Variants in CHSY3 observed in about 807,000 individuals in gnomAD.
The protein encoded by CHSY3 is N-acetylgalactosaminyl-proteoglycan 3-beta-glucuronosyltransferase 3.
In CHSY3, 35 loss-of-function variants were observed where a neutral mutation model predicts 67.2. That is an observed-to-expected ratio of 0.52 (90% confidence interval 0.40 to 0.69). The LOEUF is 0.69. Ranked by LOEUF, CHSY3 falls within the 30% of genes least tolerant of loss-of-function variation. The pLI is 0.00. For synonymous variants in CHSY3, 474 were observed against 434.7 expected (o/e 1.09, Z -1.12); for missense variants, 1,069 against 1,138.5 (o/e 0.94, Z 0.88).
intron 2 of CHSY3, among the ~76,000 whole-genome samples, chr5:130,118,825 G>T (rs1212205398): frequency 6.6e-6 from 1 of 151,956 alleles, no homozygotes; most frequent in Non-Finnish European, 1.5e-5. Context: ...TTGTATCCCA[G>T]GTGTGTCATT....
At chr5:130,078,066 A>T (rs942872678) in intron 2 of CHSY3, among the ~76,000 whole-genome samples, 1 of 152,064 alleles carries the variant, frequency 6.6e-6, no homozygotes, top group Non-Finnish European at 1.5e-5. Flanking sequence ...CATTTTATGG[A>T]TAAGAAAACT....
chr5:129,950,126 CCACTG>C (rs1232333646), intron 2 of CHSY3, among the ~76,000 whole-genome samples: 1 of 149,674 alleles, frequency 6.7e-6, no homozygotes, highest in Non-Finnish European at 1.5e-5. Context: ...TGAGATTGCG[CCACTG>C]CACTCCAGCC....
chr5:129,971,568 A>G (rs1302387032), intron 2 of CHSY3, among the ~76,000 whole-genome samples: 15 of 151,956 alleles, frequency 9.9e-5, no homozygotes, highest in Admixed American at 9.8e-4. Context: ...AGTTAGTATC[A>G]TGACCTCTAT....
At chr5:130,099,167 C>T (rs192016081) in intron 2 of CHSY3, among the ~76,000 whole-genome samples, 10 of 152,318 alleles carry the variant, frequency 6.6e-5, no homozygotes, top group African/African-American at 2.2e-4. Context: ...CTCCCACAAA[C>T]CAATTTGAAG....
chr5:129,952,542 C>A (rs1318163479), intron 2 of CHSY3, among the ~76,000 whole-genome samples: 1 of 152,168 alleles, frequency 6.6e-6, no homozygotes, highest in East Asian at 1.9e-4. Context: ...TTTCTTTGAA[C>A]ACATTTGAGG....
intron 2 of CHSY3, among the ~76,000 whole-genome samples, chr5:130,085,460 C>T (rs116288022): frequency 1.3e-5 from 2 of 152,020 alleles, no homozygotes; most frequent in African/African-American, 4.8e-5. Flanking sequence ...GAAACTTCCC[C>T]TTTATCATTT....
intron 2 of CHSY3, among the ~76,000 whole-genome samples, chr5:130,112,337 T>G (rs1033231465): frequency 6.6e-6 from 1 of 152,108 alleles, no homozygotes; most frequent in African/African-American, 2.4e-5. Flanking sequence ...TGGTTTCTAG[T>G]GGGTTTTAAC....
chr5:129,906,507 G>A (rs1260905912), intron 1 of CHSY3, among the ~76,000 whole-genome samples: 1 of 152,206 alleles, frequency 6.6e-6, no homozygotes, highest in Non-Finnish European at 1.5e-5. Flanking sequence ...CAGAACCACA[G>A]GCAGCCACAG....
rs770617559 is a variant in CHSY3, at chr5:130,185,624, G to A, written c.2482G>A (p.Gly828Arg). 6.2e-7 allele frequency: 1 copy of A among 1,614,094 alleles called. No homozygotes were observed. The highest frequency in any genetic ancestry group is 8.5e-7 in the Non-Finnish European group (1 of 1,179,982). Residue 828 changes from glycine (G) to arginine (R), a missense_variant, in exon 3 of 3, where the codon GGA (glycine) becomes AGA (arginine). By Grantham distance (125) the Gly-to-Arg change is moderately radical. Around this residue, in one of 5 missense-constraint regions of CHSY3, gnomAD observed 139 missense variants for 152.8 expected, o/e 0.91. Coordinates refer to ENST00000305031, the MANE Select transcript of CHSY3 (RefSeq NM_175856.5). ...AAGGCCATTCAGAAGCCAAGAAGTA[G>A]GAGTGGTGCATATTTTCCATCCAGT... The part of the protein sequence containing the change: ...GLRPFRSQEV[G>R]VVHIFHPVHC...
chr5:130,127,672 G>A (rs1768338460), intron 2 of CHSY3, among the ~76,000 whole-genome samples: 1 of 152,126 alleles, frequency 6.6e-6, no homozygotes, highest in Non-Finnish European at 1.5e-5. Flanking sequence ...AAGGTAATAA[G>A]AACTCAAACT....
At chr5:129,914,230 C>A (rs930151441) in intron 2 of CHSY3, among the ~76,000 whole-genome samples, 5 of 152,130 alleles carry the variant, frequency 3.3e-5, no homozygotes, top group Non-Finnish European at 7.3e-5. Flanking sequence ...CCTGCCTCAA[C>A]CTCCCGAGTA....
chr5:129,958,324 A>G (rs779223909), intron 2 of CHSY3, among the ~76,000 whole-genome samples: 9 of 152,130 alleles, frequency 5.9e-5, no homozygotes, highest in Non-Finnish European at 1.3e-4. Context: ...CTACTGGTAT[A>G]TAACTAGACC....
chr5:129,970,439 TAGATAGATAGAC>T (rs1403290965), intron 2 of CHSY3, among the ~76,000 whole-genome samples: 10 of 147,692 alleles, frequency 6.8e-5, no homozygotes, highest in East Asian at 2.0e-4. Flanking sequence ...GATAGATAGA[TAGATAGATAGAC>T]AGACAGAAAG....
intron 2 of CHSY3, among the ~76,000 whole-genome samples, chr5:129,953,361 T>C (rs935788244): frequency 6.6e-6 from 1 of 152,350 alleles, no homozygotes; most frequent in South Asian, 2.1e-4. Context: ...AGCCACATTT[T>C]CTTTATCCAG....
intron 2 of CHSY3, among the ~76,000 whole-genome samples, chr5:130,012,143 G>A (rs1333308997): frequency 1.3e-5 from 2 of 152,144 alleles, no homozygotes; most frequent in East Asian, 1.9e-4. Context: ...AGTAATCAAA[G>A]CAATCATAAG....
intron 2 of CHSY3, among the ~76,000 whole-genome samples, chr5:130,156,121 C>A (rs753421762): frequency 4.6e-5 from 7 of 152,016 alleles, no homozygotes; most frequent in African/African-American, 7.2e-5. Flanking sequence ...ATTTTTTTCC[C>A]CTGAGCAATT....
intron 2 of CHSY3, among the ~76,000 whole-genome samples, chr5:130,026,426 A>G (rs935010495): frequency 1.3e-5 from 2 of 152,162 alleles, no homozygotes; most frequent in South Asian, 4.1e-4. Flanking sequence ...CTGCTTGTTG[A>G]AAACACTGGT....
intron 2 of CHSY3, among the ~76,000 whole-genome samples, chr5:130,020,461 ATTTTTTTT>A (rs1196155924): frequency 1.5e-4 from 12 of 79,882 alleles, no homozygotes; most frequent in African/African-American, 6.7e-4. Flanking sequence ...ATATATATAT[ATTTTTTTT>A]TTTTTTTTTT....
At chr5:130,146,208 C>T (rs954475816) in intron 2 of CHSY3, among the ~76,000 whole-genome samples, 1 of 151,984 alleles carries the variant, frequency 6.6e-6, no homozygotes, top group African/African-American at 2.4e-5. Context: ...CTGTGTCCAA[C>T]AATGGATTAA....
Sources: gnomAD v4.1 joint callset for allele counts (sites outside exome capture counted in the v4.1 genomes callset) on GRCh38, gnomAD v4.1.1 for gene constraint, gnomAD v4.1.1 regional missense constraint, MANE v1.5 for transcripts, NCBI Gene and HGNC (gene_info 2026-07-23, HGNC 2026-07-21) for gene names.